The following ATP5F1A variants were observed in gnomAD, a reference collection of about 807,000 sequenced individuals.
The protein encoded by ATP5F1A is ATP synthase F(1) complex subunit alpha, mitochondrial.
A neutral mutation model predicts 57.4 loss-of-function variants in ATP5F1A; 24 were observed. The ratio of observed to expected loss-of-function variants is 0.42; its 90% CI spans 0.30 to 0.59. The LOEUF is 0.59. Among genes scored for constraint, ATP5F1A ranks in the 20% least tolerant of loss-of-function variants. ATP5F1A has a pLI of 0.19. For synonymous variants in ATP5F1A, 251 were observed against 255.5 expected (o/e 0.98, Z 0.17); for missense variants, 494 against 707.9 (o/e 0.70, Z 3.43).
chr18:46,101,480 G>A (rs150831718), upstream of ATP5F1A, among the ~76,000 whole-genome samples: 2 of 151,988 alleles, frequency 1.3e-5, no homozygotes, highest in African/African-American at 2.4e-5. Flanking sequence ...AAGGAGAATC[G>A]CTTGAATCCA....
upstream of ATP5F1A, among the ~76,000 whole-genome samples, chr18:46,100,316 A>T (rs1039069986): frequency 6.6e-6 from 1 of 152,070 alleles, no homozygotes; most frequent in African/African-American, 2.4e-5. Flanking sequence ...GTCCAAGTAA[A>T]ATAAAATACA....
At chr18:46,103,998 A>C (rs912069546) in intron 1 of ATP5F1A, 1 of 172,032 alleles carries the variant, frequency 5.8e-6, no homozygotes, top group African/African-American at 2.4e-5. Context: ...GCCAGGGTAG[A>C]ATATAAATTC....
chr18:46,103,331 G>A (rs915397058), intron 1 of ATP5F1A, among the ~76,000 whole-genome samples: 1 of 151,080 alleles, frequency 6.6e-6, no homozygotes, highest in African/African-American at 2.4e-5. Flanking sequence ...GAAAAGGTCG[G>A]GCGCAGTGCC....
intron 1 of ATP5F1A, among the ~76,000 whole-genome samples, chr18:46,096,687 A>G (rs865858023): frequency 6.6e-6 from 1 of 151,664 alleles, no homozygotes; most frequent in Admixed American, 6.6e-5. Context: ...CAACAACAAC[A>G]ACGACAACAA....
chr18:46,084,792 C>T lies in ATP5F1A; in HGVS notation c.1430-138G>A. The T allele has an allele frequency of 5.7e-6, 5 of 884,168 alleles. 1 individual carries two copies. Among genetic ancestry groups the T allele is most frequent in the Middle Eastern group, 4.7e-4 (2 of 4,282 alleles). 54.8% of individuals were successfully genotyped at this position (884,168 alleles called of 1,614,324 possible). A position where few individuals can be genotyped will look rare whatever the true frequency, so the allele number is the denominator to read the frequency against. On this transcript the variant is annotated intron_variant, in intron 10 of 11. Transcript: ENST00000398752. ...ATCTATTCTTCACAATATCAATGACCTAGAACTCCACTTAATAATCCTTCC... is the reference window on the plus strand; with the variant it reads ...ATCTATTCTTCACAATATCAATGACTTAGAACTCCACTTAATAATCCTTCC...
chr18:46,087,588 G>T (rs1910210902), intron 6 of ATP5F1A, 96 bp from the exon 7 acceptor site: 1 of 1,414,878 alleles, frequency 7.1e-7, no homozygotes, highest in Admixed American at 2.1e-5. Flanking sequence ...TTACCATTAA[G>T]AGTTAATCAG....
At chr18:46,099,046 T>C (rs1911181224), upstream of ATP5F1A, among the ~76,000 whole-genome samples, 1 of 127,074 alleles carries the variant, frequency 7.9e-6, no homozygotes, top group African/African-American at 2.9e-5. Context: ...TGGCACACAT[T>C]TACCTGTGTA....
rs1466778441 is a variant in ATP5F1A at position 46,095,067 on chromosome 18, T to C, written c.125A>G (p.His42Arg). The C allele has an allele frequency of 6.2e-7, 1 of 1,611,724 alleles. No homozygotes were observed. Among genetic ancestry groups the C allele is most frequent in the Non-Finnish European group, 8.5e-7 (1 of 1,178,824 alleles). Residue 42 changes from histidine to arginine, a missense_variant, in exon 2 of 12, where the codon CAT (histidine) becomes CGT (arginine). By Grantham distance (29) the His-to-Arg change is conservative. Coordinates refer to ENST00000398752, the MANE Select transcript of ATP5F1A (RefSeq NM_004046.6). ...AARNFHASNT[H>R]LQKTGTAEMS... is the part of the protein sequence containing the mutation. The stretch of plus-strand genomic sequence containing the variant: ...TAATAACTTACCAGTCTTTTGAAGA[T>C]GAGTGTTAGAGGCATGGAAGTTCCT...
At chr18:46,084,408 G>C (rs763855531) in intron 11 of ATP5F1A, 45 bp from the exon 12 acceptor site, 2 of 1,594,288 alleles carry the variant, frequency 1.3e-6, no homozygotes, top group Non-Finnish European at 1.7e-6. Flanking sequence ...CCTGGAAAAA[G>C]TTTTAATGAC....
chr18:46,085,988 C>T, intron 10 of ATP5F1A, 125 bp downstream of exon 10: 1 of 1,081,662 alleles, frequency 9.2e-7, no homozygotes, highest in Admixed American at 3.1e-5. Context: ...GTAAAAGTGC[C>T]TTTGATGAAA....
chr18:46,096,993 A>C (rs1260759655), intron 1 of ATP5F1A, among the ~76,000 whole-genome samples: 1 of 151,524 alleles, frequency 6.6e-6, no homozygotes, highest in Non-Finnish European at 1.5e-5. Flanking sequence ...AAAAAAAAAA[A>C]AAAAAAAAAA....
intron 11 of ATP5F1A, 37 bp downstream of exon 11, chr18:46,084,467 T>C: frequency 1.3e-6 from 2 of 1,576,486 alleles, no homozygotes; most frequent in Non-Finnish European, 1.7e-6. Context: ...ATCTTAAACA[T>C]AACTTTAAAA....
At chr18:46,099,806 G>A (rs1911214778), upstream of ATP5F1A, among the ~76,000 whole-genome samples, 1 of 152,146 alleles carries the variant, frequency 6.6e-6, no homozygotes, top group Admixed American at 6.6e-5. Flanking sequence ...GAATTTTGGT[G>A]AGGCAAATAA....
At chr18:46,084,781 A>G (rs1909959176) in intron 10 of ATP5F1A, 127 bp from the exon 11 acceptor site, 8 of 993,808 alleles carry the variant, frequency 8.0e-6, no homozygotes, top group South Asian at 2.0e-5. Flanking sequence ...ATTCTTCACA[A>G]TATCAATGAC....
At position 46,094,465 on chromosome 18, in the gene ATP5F1A, G is replaced by A. The variant is rs144938185; in HGVS notation, c.139+588C>T. On this transcript the variant is annotated intron_variant, in intron 2 of 11. Coordinates refer to ENST00000398752, the MANE Select transcript of ATP5F1A (RefSeq NM_004046.6). ...AGGCATATCACAAGGTCAGGAGATCGAGACCATCCTGGCCAACATGGTGAA... is the reference window on the plus strand; with the variant it reads ...AGGCATATCACAAGGTCAGGAGATCAAGACCATCCTGGCCAACATGGTGAA... Among the ~76,000 whole-genome samples the A allele has an allele frequency of 3.5e-3, 533 of 152,202 alleles. 9 individuals carry two copies. Among genetic ancestry groups the A allele is most frequent in the Admixed American group, 0.029 (449 of 15,274 alleles).
At position 46,089,871 on chromosome 18, in the gene ATP5F1A, C is replaced by T. The variant is rs200259421; in HGVS notation, c.435G>A (p.Glu145=). The part of the protein sequence containing the change: ...GAIVDVPVGE[E]LLGRVVDALG... ...GGGCATCAACTACACGACCCAACAGCTCCTCACCAACTGGAACGTCCACAA... is the reference window on the plus strand; with the variant it reads ...GGGCATCAACTACACGACCCAACAGTTCCTCACCAACTGGAACGTCCACAA... Residue 145 remains glutamate (E), a synonymous_variant, in exon 4 of 12, where the codon GAG becomes GAA. Coordinates refer to ENST00000398752, the MANE Select transcript of ATP5F1A (RefSeq NM_004046.6). 15 of 1,613,720 alleles carry T rather than the reference C, an allele frequency of 9.3e-6. No individual in the cohort carries two copies. Among genetic ancestry groups the T allele is most frequent in the Non-Finnish European group, 8.5e-7 (1 of 1,179,850 alleles).
At chr18:46,097,812 A>G in intron 1 of ATP5F1A, 1 of 1,081,114 alleles carries the variant, frequency 9.2e-7, no homozygotes, top group African/African-American at 1.6e-5. Context: ...CGCGACCCTA[A>G]GAATCGAAAG....
upstream of ATP5F1A, among the ~76,000 whole-genome samples, chr18:46,098,792 G>C (rs1348549692): frequency 1.3e-5 from 2 of 152,180 alleles, no homozygotes; most frequent in East Asian, 3.9e-4. Context: ...CAGACCCTCT[G>C]AGTCGAAAAT....
chr18:46,086,840 C>T, intron 8 of ATP5F1A, 168 bp downstream of exon 8: 1 of 716,288 alleles, frequency 1.4e-6, no homozygotes, highest in East Asian at 2.7e-5. Context: ...GTGACAGATA[C>T]ATGGGGTTTC....
Sources: allele counts gnomAD v4.1 joint callset (sites outside exome capture counted in the v4.1 genomes callset), GRCh38; gene constraint gnomAD v4.1.1; transcripts MANE v1.5; gene names NCBI Gene and HGNC (gene_info 2026-07-23, HGNC 2026-07-21).